Variants in WFS1 observed in about 807,000 individuals in gnomAD.
WFS1 encodes the protein wolframin ER transmembrane glycoprotein.
In WFS1, 90 loss-of-function variants were observed where a neutral mutation model predicts 68.5. That is an observed-to-expected ratio of 1.31 (90% CI 1.11 to 1.56). The LOEUF (loss-of-function observed/expected upper bound fraction) is 1.56. Ranked by LOEUF, WFS1 falls within the 40% of genes most tolerant of loss-of-function variation. The pLI, the probability that WFS1 is intolerant of heterozygous loss-of-function variation, is 0.00. For synonymous variants in WFS1, 860 were observed against 540.7 expected (o/e 1.59, Z -8.19); for missense variants, 1,767 against 1,232.6 (o/e 1.43, Z -6.49).
At chr4:6,278,810 G>A (rs1730070971) in intron 2 of WFS1, among the ~76,000 whole-genome samples, 1 of 152,244 alleles carries the variant, frequency 6.6e-6, no homozygotes, top group African/African-American at 2.4e-5. Flanking sequence ...TTGTTTTGGA[G>A]GCCTCTGGGC....
chr4:6,286,960 CTG>C (rs1730327803), intron 2 of WFS1, 131 bp from the exon 3 acceptor site: 1 of 819,890 alleles, frequency 1.2e-6, no homozygotes, highest in Non-Finnish European at 2.1e-6. Flanking sequence ...CTGTGTCTCT[CTG>C]TACTCCTGGC....
intron 6 of WFS1, 178 bp from the exon 7 acceptor site, chr4:6,294,863 C>T (rs891731246): frequency 5.0e-6 from 5 of 997,470 alleles, no homozygotes; most frequent in Non-Finnish European, 7.5e-6. Context: ...CCCCTTCCTC[C>T]TCACCCAGCC....
chr4:6,288,696 C>G (rs893871760), intron 3 of WFS1: 2 of 464,004 alleles, frequency 4.3e-6, no homozygotes, highest in Admixed American at 6.7e-5. Flanking sequence ...TGAGCCTTGG[C>G]AGGCAGGAGC....
intron 6 of WFS1, among the ~76,000 whole-genome samples, chr4:6,293,131 G>A (rs758981835): frequency 1.3e-5 from 2 of 152,188 alleles, no homozygotes; most frequent in Non-Finnish European, 2.9e-5. Flanking sequence ...CTGAAGTGAG[G>A]TGCCTCTGGG....
Position 6,287,375 on chromosome 4 carries a change from C to T in WFS1, c.315+200C>T. On this transcript the variant is annotated intron_variant, in intron 3 of 7. Coordinates refer to ENST00000226760, the MANE Select transcript of WFS1 (RefSeq NM_006005.3). The surrounding 1 kb of genome is among the most constrained non-coding windows in gnomAD (Gnocchi z 6.4). ...TGCCAGTTTTCCTCCTGGCACTCCT[C>T]TGGGGAGCAGCGCTCATCCCCCTTT... 6 of 618,542 alleles carry T rather than the reference C, an allele frequency of 9.7e-6. No homozygotes were observed. Among genetic ancestry groups the T allele is most frequent in the Non-Finnish European group, 1.8e-5 (6 of 339,566 alleles). The allele number at this position is 618,542 out of a possible 1,614,324, so 38.3% of individuals were successfully genotyped here.
At chr4:6,273,424 C>T (rs1729894179) in intron 1 of WFS1, among the ~76,000 whole-genome samples, 1 of 152,138 alleles carries the variant, frequency 6.6e-6, no homozygotes, top group Non-Finnish European at 1.5e-5. Context: ...GGCTGAGTGC[C>T]CCACCGTGCA....
At chr4:6,298,527 T>C (rs1730710241) in intron 7 of WFS1, among the ~76,000 whole-genome samples, 1 of 149,894 alleles carries the variant, frequency 6.7e-6, no homozygotes, top group African/African-American at 2.4e-5. Context: ...GTCACAAATA[T>C]ACATGAAGCA....
chr4:6,271,859 T>C (rs909038318), intron 1 of WFS1, among the ~76,000 whole-genome samples: 6 of 152,202 alleles, frequency 3.9e-5, no homozygotes, highest in African/African-American at 1.4e-4. Context: ...CGGCATTCTT[T>C]CGGGCCCTCA....
In WFS1 at chr4:6,272,578, T is replaced by G. The variant is rs374196343; in HGVS notation, c.-6+2564T>G. Among the ~76,000 whole-genome samples, 191 of 152,358 alleles carry G rather than the reference T, an allele frequency of 1.3e-3. 6 individuals carry two copies. The South Asian group carries it at 0.038, about 30-fold the overall frequency. The stretch of plus-strand genomic sequence containing the variant: ...TCCCAGGGCCAGGACCTCCTGGGCC[T>G]GCTCCCTTAGAGCTTGCTCACAGAT... On this transcript the variant is annotated intron_variant, in intron 1 of 7. Transcript: ENST00000226760.
chr4:6,288,952 G>T, intron 3 of WFS1, 35 bp from the exon 4 acceptor site: 1 of 1,601,406 alleles, frequency 6.2e-7, no homozygotes, highest in South Asian at 1.1e-5. Flanking sequence ...GAGAGGGTCG[G>T]AGAATCTGGA....
At position 6,300,806 on chromosome 4, in the gene WFS1, C is replaced by T. The variant is rs1327740456; in HGVS notation, c.1011C>T (p.Thr337=). Reference sequence around the variant, plus strand: ...TCTTCTTCATCGTCAGCAACCTCACCATCGACTTCTTCGCCTTCTTCATCC... The same window carrying T: ...TCTTCTTCATCGTCAGCAACCTCACTATCGACTTCTTCGCCTTCTTCATCC... ...LIFFFIVSNL[T]IDFFAFFIPL... The change falls in exon 8 of 8, where the codon ACC becomes ACT. Residue 337 remains threonine (T), a synonymous_variant. Coordinates refer to ENST00000226760, the MANE Select transcript of WFS1 (RefSeq NM_006005.3). 2 of 1,614,068 alleles carry T rather than the reference C, an allele frequency of 1.2e-6. No individual in the cohort carries two copies. Among genetic ancestry groups the T allele is most frequent in the Admixed American group, 1.7e-5 (1 of 60,024 alleles).
At chr4:6,280,679 CAT>C (rs1305622852) in intron 2 of WFS1, among the ~76,000 whole-genome samples, 1 of 152,186 alleles carries the variant, frequency 6.6e-6, no homozygotes, top group African/African-American at 2.4e-5. Context: ...CTGTGGCTAT[CAT>C]GTGCTTGGCC....
At position 6,301,720 on chromosome 4, in the gene WFS1, C is replaced by A; in HGVS notation, c.1925C>A (p.Ala642Asp). The change falls in exon 8 of 8, where the codon GCC becomes GAC. Residue 642 changes from alanine to aspartate, a missense_variant. Ala to Asp is a moderately radical substitution (Grantham distance 126). Coordinates refer to ENST00000226760, the MANE Select transcript of WFS1 (RefSeq NM_006005.3). ...AAGCTCATCCTGGTGTGGCTCACGG[C>A]CATCGTGCTGTTCTGCTGGTTCTAT... Reference protein sequence around the residue: ...MVKLILVWLTAIVLFCWFYVY... With the variant: ...MVKLILVWLTDIVLFCWFYVY... The A allele has an allele frequency of 6.2e-7, 1 of 1,614,038 alleles. No individual in the cohort carries two copies. The highest frequency in any genetic ancestry group is 1.1e-5 in the South Asian group (1 of 91,088).
rs190410328 is a variant in WFS1, at chr4:6,273,951, C to T, written c.-5-3500C>T. On this transcript the variant is annotated intron_variant, in intron 1 of 7. Coordinates refer to ENST00000226760, the MANE Select transcript of WFS1 (RefSeq NM_006005.3). Reference sequence around the variant, plus strand: ...ACATGGTACATAGGCCAGCTAGAATCTGTTTTCCTGAAATTCCTTTTATGA... The same window carrying T: ...ACATGGTACATAGGCCAGCTAGAATTTGTTTTCCTGAAATTCCTTTTATGA... 4.7e-3 allele frequency among the ~76,000 whole-genome samples: 720 copies of T among 152,330 alleles called. 2 individuals carry two copies. Among genetic ancestry groups the T allele is most frequent in the Non-Finnish European group, 7.4e-3 (504 of 68,030 alleles).
chr4:6,295,645 C>T (rs1730618027), intron 7 of WFS1, among the ~76,000 whole-genome samples: 1 of 152,228 alleles, frequency 6.6e-6, no homozygotes, highest in Non-Finnish European at 1.5e-5. Flanking sequence ...CCTACTGCCC[C>T]TGGATCTGCA....
intron 1 of WFS1, among the ~76,000 whole-genome samples, chr4:6,277,155 C>T (rs1407027612): frequency 1.3e-5 from 2 of 152,230 alleles, no homozygotes; most frequent in African/African-American, 4.8e-5. Context: ...TGAGGGAAGG[C>T]CAGGGTTGTG....
chr4:6,291,921 A>G lies in WFS1; in HGVS notation c.636A>G (p.Gly212=). 1 of 1,609,892 alleles carries G rather than the reference A, an allele frequency of 6.2e-7. No homozygotes were observed. ...ENVGQVNEHD[G]GAQPGPVPKS... is the part of the protein sequence containing the mutation. ...AATCCACCCTGTCCCCTGCAGATGGAGGGGCGCAGCCAGGCCCCGTGCCCA... is the reference window on the plus strand; with the variant it reads ...AATCCACCCTGTCCCCTGCAGATGGGGGGGCGCAGCCAGGCCCCGTGCCCA... The change falls in exon 6 of 8, where the codon GGA becomes GGG. Residue 212 remains glycine (G), a synonymous_variant. Coordinates refer to ENST00000226760, the MANE Select transcript of WFS1 (RefSeq NM_006005.3).
intron 6 of WFS1, 127 bp from the exon 7 acceptor site, chr4:6,294,914 C>T: frequency 6.6e-7 from 1 of 1,512,332 alleles, no homozygotes; most frequent in South Asian, 1.1e-5. Context: ...GGGTTTCCTC[C>T]ACCTGAACCC....
chr4:6,277,496 A>T lies in WFS1; in HGVS notation c.41A>T (p.Gln14Leu). The T allele has an allele frequency of 6.4e-7, 1 of 1,566,142 alleles. No individual in the cohort carries two copies. The highest frequency in any genetic ancestry group is 8.7e-7 in the Non-Finnish European group (1 of 1,155,644). The change falls in exon 2 of 8, where the codon CAG becomes CTG. Residue 14 changes from glutamine (Q) to leucine (L), a missense_variant. By Grantham distance (113) the Gln-to-Leu change is moderately radical (BLOSUM62 -2). Coordinates refer to ENST00000226760, the MANE Select transcript of WFS1 (RefSeq NM_006005.3). ...GCTCCGCTGGGCCCCTCCTGCCCACAGCCCCCGCCAGCACCGCAGCCCCAG... is the reference window on the plus strand; with the variant it reads ...GCTCCGCTGGGCCCCTCCTGCCCACTGCCCCCGCCAGCACCGCAGCCCCAG... ...NTAPLGPSCP[Q>L]PPPAPQPQAR...
Sources: gnomAD v4.1 joint callset for allele counts (sites outside exome capture counted in the v4.1 genomes callset) on GRCh38, gnomAD v4.1.1 for gene constraint, Gnocchi (gnomAD v3.1) non-coding constraint, MANE v1.5 for transcripts, NCBI Gene and HGNC (gene_info 2026-07-23, HGNC 2026-07-21) for gene names.